The following INSL6 variants were observed in gnomAD, a reference collection of about 807,000 sequenced individuals.
INSL6 encodes insulin-like peptide INSL6.
Under a neutral mutation model 9.4 loss-of-function variants are expected in INSL6, and 16 were observed. The ratio of observed to expected loss-of-function variants is 1.70; its 90% CI spans 1.15 to 2.59. The LOEUF is 2.59. INSL6 is among the 30% of genes most tolerant of loss of function. The pLI, the probability that INSL6 is intolerant of heterozygous loss-of-function variation, is 0.00. For missense variants in INSL6, 391 were observed against 257.3 expected (o/e 1.52, Z -3.56); for synonymous variants, 154 against 96.9 (o/e 1.59, Z -3.46).
At chr9:5,081,631 C>A in the INSL6 span, 1 of 802,492 alleles carries the variant, frequency 1.2e-6, no homozygotes. Context: ...GTATTTTTAA[C>A]TCACGATTAT....
intron 2 of INSL6, among the ~76,000 whole-genome samples, chr9:5,141,407 AG>A (rs1190201380): frequency 1.3e-5 from 2 of 152,156 alleles, no homozygotes; most frequent in African/African-American, 4.8e-5. Flanking sequence ...TATTGGCATG[AG>A]ATGGTATCTC....
chr9:5,159,880 GACCAC>G (rs1320713287), downstream of INSL6, among the ~76,000 whole-genome samples: 2 of 152,060 alleles, frequency 1.3e-5, no homozygotes, highest in Non-Finnish European at 2.9e-5. Context: ...CTCGAGAATA[GACCAC>G]ATGTGGCCAG....
downstream of INSL6, among the ~76,000 whole-genome samples, chr9:5,122,715 G>T (rs1823706466): frequency 6.6e-6 from 1 of 151,916 alleles, no homozygotes; most frequent in Non-Finnish European, 1.5e-5. Flanking sequence ...ACATACTAAA[G>T]TTACATACTC....
chr9:5,105,759 C>T, the INSL6 span, among the ~76,000 whole-genome samples: 1 of 152,200 alleles, frequency 6.6e-6, no homozygotes, highest in African/African-American at 2.4e-5. Context: ...AATAACACCA[C>T]ACATCTACAA....
chr9:5,145,435 T>C (rs1385101942), intron 2 of INSL6, among the ~76,000 whole-genome samples: 1 of 152,190 alleles, frequency 6.6e-6, no homozygotes, highest in Non-Finnish European at 1.5e-5. Flanking sequence ...TTAAGCATCC[T>C]GGGGTTGATC....
chr9:5,072,501 C>T, the INSL6 span: 5 of 1,577,262 alleles, frequency 3.2e-6, no homozygotes, highest in Non-Finnish European at 4.3e-6. Context: ...GAATGAAAGC[C>T]TTGGCCAAGG....
At chr9:5,104,437 A>C in the INSL6 span, among the ~76,000 whole-genome samples, 1 of 152,194 alleles carries the variant, frequency 6.6e-6, no homozygotes, top group Non-Finnish European at 1.5e-5. Context: ...CAACCAAAAA[A>C]AGTCCAGGAC....
At chr9:5,031,782 C>T in the INSL6 span, among the ~76,000 whole-genome samples, 2 of 152,136 alleles carry the variant, frequency 1.3e-5, no homozygotes, top group Non-Finnish European at 2.9e-5. Flanking sequence ...GAGGGTGGAG[C>T]CAAGATGACT....
At chr9:5,041,340 G>A in the INSL6 span, 1 of 671,164 alleles carries the variant, frequency 1.5e-6, no homozygotes, top group Non-Finnish European at 2.7e-6. Flanking sequence ...AGCTTGACAG[G>A]TACGGCGTGC....
intron 2 of INSL6, among the ~76,000 whole-genome samples, chr9:5,146,184 G>A (rs577613014): frequency 3.3e-5 from 5 of 151,942 alleles, no homozygotes; most frequent in Admixed American, 3.3e-4. Context: ...TGAACTCAGC[G>A]AATTGGCCTT....
At chr9:5,125,681 T>G (rs1476030430) in intron 3 of INSL6, among the ~76,000 whole-genome samples, 1 of 99,434 alleles carries the variant, frequency 1.0e-5, no homozygotes, top group Non-Finnish European at 2.0e-5. Flanking sequence ...TATGTACTTT[T>G]GCCAAGTTGA....
In INSL6 at chr9:5,124,570, T is replaced by C. The variant is rs147906148; in HGVS notation, c.*11-59A>G. Among the ~76,000 whole-genome samples the C allele has an allele frequency of 6.7e-4, 101 of 151,818 alleles. No individual in the cohort carries two copies. In the East Asian group the frequency reaches 0.017, roughly 26 times the overall value. On this transcript the variant is annotated intron_variant, in intron 3 of 3. Transcript: ENST00000649639. ...TTAGAAAAAACAATCCTAAAATTCA[T>C]AGGGAACCAAAAAGAGCCCTAATAG... is the stretch of plus-strand genomic sequence containing the variant.
chr9:5,158,312 A>G (rs1414980248), intron 2 of INSL6, among the ~76,000 whole-genome samples: 1 of 152,218 alleles, frequency 6.6e-6, no homozygotes, highest in Non-Finnish European at 1.5e-5. Context: ...CCAAACCTAT[A>G]GAAAGGTATC....
chr9:5,109,685 T>G, the INSL6 span: 3 of 152,148 alleles, frequency 2.0e-5, no homozygotes, highest in Non-Finnish European at 2.9e-5. Context: ...CAAACTGACA[T>G]TGAATGACAA....
chr9:5,142,793 GCTTCAAACTTTTACC>G (rs769432867), intron 2 of INSL6, among the ~76,000 whole-genome samples: 35 of 152,256 alleles, frequency 2.3e-4, no homozygotes, highest in Middle Eastern at 3.4e-3. Context: ...CAAGGAGAAT[GCTTCAAACTTTTACC>G]CATTCAGTAT....
chr9:5,182,715 T>C (rs1825484477), intron 1 of INSL6, among the ~76,000 whole-genome samples: 1 of 152,116 alleles, frequency 6.6e-6, no homozygotes, highest in East Asian at 1.9e-4. Context: ...CTAACTGGAA[T>C]AGGGGTTACA....
the INSL6 span, among the ~76,000 whole-genome samples, chr9:5,042,428 C>T: frequency 6.6e-6 from 1 of 152,172 alleles, no homozygotes; most frequent in Non-Finnish European, 1.5e-5. Flanking sequence ...TGAGCCACCG[C>T]GCCCGGCCAA....
intron 2 of INSL6, among the ~76,000 whole-genome samples, chr9:5,147,798 G>A (rs1031138228): frequency 8.5e-5 from 13 of 152,094 alleles, no homozygotes; most frequent in African/African-American, 3.1e-4. Context: ...TGGTCTCTGA[G>A]CTCTGAGATT....
the INSL6 span, chr9:5,021,918 A>G: frequency 3.5e-6 from 4 of 1,156,588 alleles, no homozygotes; most frequent in Admixed American, 7.2e-5. Flanking sequence ...CAGGTGTGAG[A>G]CACTGCGCCC....
Sources: allele counts gnomAD v4.1 joint callset (sites outside exome capture counted in the v4.1 genomes callset), GRCh38; gene constraint gnomAD v4.1.1; transcripts MANE v1.5; gene names NCBI Gene and HGNC (gene_info 2026-07-23, HGNC 2026-07-21).